ZRANB1: variants seen among roughly 807,000 people sequenced by gnomAD.
The protein encoded by ZRANB1 is ubiquitin thioesterase ZRANB1.
ZRANB1 carries 16 observed loss-of-function variants against 80.5 expected under a neutral mutation model. The observed-to-expected ratio is 0.20, with a 90% CI of 0.13 to 0.30. ZRANB1 has a LOEUF of 0.30. ZRANB1 is among the 10% of genes least tolerant of loss of function. The pLI is 1.00. For synonymous variants in ZRANB1, 291 were observed against 293.1 expected, an observed-to-expected ratio of 0.99 and a Z score of 0.07; for missense variants, 576 against 862.6, an observed-to-expected ratio of 0.67 and a Z score of 4.16.
chr10:124,961,931 T>C (rs1353107340), intron 1 of ZRANB1, among the ~76,000 whole-genome samples: 2 of 152,234 alleles, frequency 1.3e-5, no homozygotes, highest in African/African-American at 4.8e-5. Context: ...TTGCTATTAT[T>C]ATGTGGAAAA....
chr10:124,919,920 C>CCG, the ZRANB1 span, among the ~76,000 whole-genome samples: 1 of 104,514 alleles, frequency 9.6e-6, no homozygotes, highest in African/African-American at 4.0e-5. Context: ...CCCCCCCCCC[C>CCG]CTTTTTTTTT....
At chr10:124,969,672 C>T (rs1951805228) in intron 2 of ZRANB1, among the ~76,000 whole-genome samples, 1 of 152,002 alleles carries the variant, frequency 6.6e-6, no homozygotes, top group African/African-American at 2.4e-5. Context: ...TAATAGCTAC[C>T]AAAATACTAA....
At chr10:124,938,710 T>TC (rs201859117), upstream of ZRANB1, among the ~76,000 whole-genome samples, 7 of 150,972 alleles carry the variant, frequency 4.6e-5, no homozygotes, top group Admixed American at 1.3e-4. Flanking sequence ...CATTACGTTT[T>TC]TTTTTTTTTT....
At chr10:124,974,025 A>G (rs1951851920) in intron 4 of ZRANB1, among the ~76,000 whole-genome samples, 175 bp from the exon 5 acceptor site, 1 of 152,268 alleles carries the variant, frequency 6.6e-6, no homozygotes, top group Non-Finnish European at 1.5e-5. Context: ...TTCTAGAGAC[A>G]GAAGATGTTT....
chr10:124,965,439 G>A (rs182359374), intron 1 of ZRANB1, among the ~76,000 whole-genome samples: 4 of 152,276 alleles, frequency 2.6e-5, no homozygotes, highest in East Asian at 1.9e-4. Flanking sequence ...CTGGCAAGGC[G>A]TTCCTGTATA....
At chr10:124,962,108 CTAT>C (rs1175487442) in intron 1 of ZRANB1, among the ~76,000 whole-genome samples, 5 of 152,324 alleles carry the variant, frequency 3.3e-5, no homozygotes, top group Admixed American at 1.3e-4. Flanking sequence ...CAGGATTAAA[CTAT>C]AGCCAAATGC....
chr10:124,923,203 C>G, the ZRANB1 span, among the ~76,000 whole-genome samples: 1 of 151,864 alleles, frequency 6.6e-6, no homozygotes, highest in Non-Finnish European at 1.5e-5. Flanking sequence ...AGGAGAATTG[C>G]TTGAACCCAG....
rs202150610 is a variant in ZRANB1 at position 124,942,529 on chromosome 10, T to C, written c.36T>C (p.Tyr12=). Reference sequence around the variant, plus strand: ...GTGGAATTAAGTGGGCTTGTGAATATTGTACGTATGAAAACTGGCCATCTG... The same window carrying C: ...GTGGAATTAAGTGGGCTTGTGAATACTGTACGTATGAAAACTGGCCATCTG... ...SERGIKWACE[Y]CTYENWPSAI... Residue 12 remains tyrosine, a synonymous_variant, in exon 1 of 9, where the codon TAT becomes TAC. Coordinates refer to ENST00000359653, the MANE Select transcript of ZRANB1 (RefSeq NM_017580.3). The C allele has an allele frequency of 1.9e-6, 3 of 1,614,152 alleles. No individual in the cohort carries two copies. Among genetic ancestry groups the C allele is most frequent in the Admixed American group, 1.7e-5 (1 of 60,016 alleles).
intron 1 of ZRANB1, among the ~76,000 whole-genome samples, chr10:124,957,535 ACT>A (rs975622236): frequency 1.3e-5 from 2 of 151,994 alleles, no homozygotes; most frequent in African/African-American, 4.8e-5. Context: ...GAAAACTGAA[ACT>A]CTGTATCCAT....
intron 1 of ZRANB1, among the ~76,000 whole-genome samples, chr10:124,953,761 G>A (rs1024884211): frequency 6.6e-6 from 1 of 152,114 alleles, no homozygotes; most frequent in African/African-American, 2.4e-5. Flanking sequence ...TGTGTTGATA[G>A]CTCAGTTGCA....
At chr10:124,942,104 G>T (rs1250098010), upstream of ZRANB1, 3 of 1,026,968 alleles carry the variant, frequency 2.9e-6, no homozygotes, top group Non-Finnish European at 3.5e-6. Flanking sequence ...TAAACTATTG[G>T]TTACTTTTCT....
At chr10:124,984,568 A>C (rs930961699) in intron 8 of ZRANB1, 10 of 538,772 alleles carry the variant, frequency 1.9e-5, no homozygotes, top group African/African-American at 1.7e-4. Flanking sequence ...TTTTCTGAGA[A>C]ATTTCCCATT....
At chr10:124,959,959 TAGA>T (rs1951720079) in intron 1 of ZRANB1, among the ~76,000 whole-genome samples, 1 of 152,032 alleles carries the variant, frequency 6.6e-6, no homozygotes, top group African/African-American at 2.4e-5. Context: ...AAGACTGAAG[TAGA>T]ATTGGCAAAA....
rs778584834 is a variant in ZRANB1 at position 124,943,152 on chromosome 10, C to G, written c.659C>G (p.Thr220Arg). Residue 220 changes from threonine to arginine, a missense_variant, in exon 1 of 9, where the codon ACG becomes AGG. By Grantham distance (71) the Thr-to-Arg change is moderately conservative (BLOSUM62 -1). Around this residue, in one of 3 missense-constraint regions of ZRANB1, gnomAD observed 411 missense variants for 583.1 expected, o/e 0.70. Coordinates refer to ENST00000359653, the MANE Select transcript of ZRANB1 (RefSeq NM_017580.3). Reference protein sequence around the residue: ...GNSQRRSPPATKRDSEVKMDF... With the variant: ...GNSQRRSPPARKRDSEVKMDF... ...AGCCAAAGGAGATCACCTCCTGCTA[C>G]GAAGCGGGACTCTGAAGTGAAAATG... is the stretch of plus-strand genomic sequence containing the variant. The G allele has an allele frequency of 6.2e-7, 1 of 1,614,154 alleles. No individual in the cohort carries two copies. Among genetic ancestry groups the G allele is most frequent in the East Asian group, 2.2e-5 (1 of 44,880 alleles).
chr10:124,983,434 G>A lies in ZRANB1; in HGVS notation c.1679-25G>A. ...GTGGCTCTTTCTTCCTGTGACTGTT[G>A]GGATTTTCTTCCCTCTCTTTCCAGG... On this transcript the variant is annotated intron_variant, in intron 7 of 8. Coordinates refer to ENST00000359653, the MANE Select transcript of ZRANB1 (RefSeq NM_017580.3). The surrounding 1 kb of genome is among the most constrained non-coding windows in gnomAD (Gnocchi z 6.2). 1 of 1,600,286 alleles carries A rather than the reference G, an allele frequency of 6.2e-7. No individual in the cohort carries two copies. The highest frequency in any genetic ancestry group is 1.3e-5 in the African/African-American group (1 of 74,608).
intron 8 of ZRANB1, 65 bp from the exon 9 acceptor site, chr10:124,984,709 C>T: frequency 1.3e-6 from 2 of 1,519,672 alleles, no homozygotes; most frequent in Non-Finnish European, 1.8e-6. Context: ...GTTTCCATGT[C>T]ACATTCCTAC....
chr10:124,978,595 GAAA>G (rs112925586), intron 5 of ZRANB1, among the ~76,000 whole-genome samples: 1 of 151,758 alleles, frequency 6.6e-6, no homozygotes, highest in African/African-American at 2.4e-5. Flanking sequence ...GTTAATTGGG[GAAA>G]AAAATCAATA....
At chr10:124,926,624 A>C in the ZRANB1 span, among the ~76,000 whole-genome samples, 2 of 152,054 alleles carry the variant, frequency 1.3e-5, no homozygotes, top group African/African-American at 2.4e-5. Context: ...TTTACAGTAG[A>C]CTTTTTTTTT....
At chr10:124,962,324 C>G (rs1307813436) in intron 1 of ZRANB1, 5 of 973,134 alleles carry the variant, frequency 5.1e-6, no homozygotes, top group Non-Finnish European at 6.1e-6. Flanking sequence ...CAGGTCCACC[C>G]TGACCCCACA....
Sources: gnomAD v4.1 joint callset for allele counts (sites outside exome capture counted in the v4.1 genomes callset) on GRCh38, gnomAD v4.1.1 for gene constraint, gnomAD v4.1.1 regional missense constraint, Gnocchi (gnomAD v3.1) non-coding constraint, MANE v1.5 for transcripts, NCBI Gene and HGNC (gene_info 2026-07-23, HGNC 2026-07-21) for gene names.